Variants in FER observed in about 807,000 individuals in gnomAD.
FER encodes the protein FER tyrosine kinase, also known as tyrosine-protein kinase Fer.
A neutral mutation model predicts 111.0 loss-of-function variants in FER; 63 were observed. That is an observed-to-expected ratio of 0.57 (90% CI 0.46 to 0.70). The LOEUF (loss-of-function observed/expected upper bound fraction) is 0.70, where lower values mean the gene tolerates loss of function less well. Ranked by LOEUF, FER falls within the 30% of genes least tolerant of loss-of-function variation. The pLI is 0.00. For missense variants in FER, 914 were observed against 954.0 expected, an observed-to-expected ratio of 0.96 and a Z score of 0.55; for synonymous variants, 327 against 313.9, an observed-to-expected ratio of 1.04 and a Z score of -0.44.
intron 5 of FER, among the ~76,000 whole-genome samples, chr5:108,858,576 T>G (rs939850892): frequency 6.6e-6 from 1 of 152,146 alleles, no homozygotes; most frequent in African/African-American, 2.4e-5. Context: ...TTTTGTTTAT[T>G]TATTTCTATG....
intron 17 of FER, among the ~76,000 whole-genome samples, chr5:109,165,584 G>A (rs1156640496): frequency 6.7e-6 from 1 of 148,168 alleles, no homozygotes; most frequent in Admixed American, 7.0e-5. Context: ...CAGGTGGGAG[G>A]AGGGAACTGG....
intron 14 of FER, among the ~76,000 whole-genome samples, chr5:109,043,132 ATGATGGT>A (rs1476871221): frequency 2.6e-5 from 4 of 152,182 alleles, no homozygotes; most frequent in African/African-American, 9.7e-5. Context: ...TACAAGGCAA[ATGATGGT>A]TCTAGTAACC....
At chr5:109,159,266 C>G (rs1319220814) in intron 17 of FER, among the ~76,000 whole-genome samples, 2 of 152,166 alleles carry the variant, frequency 1.3e-5, no homozygotes, top group Non-Finnish European at 2.9e-5. Context: ...ACTCTTCTTT[C>G]AAGCGGCTCA....
chr5:108,934,106 G>A (rs771848090), intron 10 of FER, among the ~76,000 whole-genome samples: 1 of 152,076 alleles, frequency 6.6e-6, no homozygotes, highest in Non-Finnish European at 1.5e-5. Context: ...ATACTGTGTT[G>A]AATAGGAGTG....
Position 108,786,416 on chromosome 5 carries a change from T to C in FER, c.-59-11708T>C, listed in dbSNP as rs373376484. Among the ~76,000 whole-genome samples, 11 of 152,336 alleles carry C rather than the reference T, an allele frequency of 7.2e-5. No homozygotes were observed. In the South Asian group the frequency reaches 1.9e-3, roughly 26 times the overall value. The stretch of plus-strand genomic sequence containing the variant: ...ATCTTCTGGCCTGGTTGGGGTAGTA[T>C]TGGACTCACTGAAACCATGCTGTGA... On this transcript the variant is annotated intron_variant, in intron 2 of 19. Transcript: ENST00000281092.
At chr5:108,837,576 T>C (rs1760802104) in intron 5 of FER, among the ~76,000 whole-genome samples, 1 of 152,208 alleles carries the variant, frequency 6.6e-6, no homozygotes, top group South Asian at 2.1e-4. Context: ...CTATGTTGTG[T>C]ATTTCGCACT....
intron 13 of FER, among the ~76,000 whole-genome samples, chr5:108,963,745 A>G (rs1340830616): frequency 3.3e-5 from 5 of 152,142 alleles, no homozygotes; most frequent in Non-Finnish European, 7.4e-5. Context: ...GTCTGAAACT[A>G]CTGACTTGTC....
chr5:108,958,022 TAAC>T (rs1758655756), intron 12 of FER, among the ~76,000 whole-genome samples: 2 of 151,710 alleles, frequency 1.3e-5, no homozygotes, highest in African/African-American at 4.8e-5. Flanking sequence ...GGCAGTGAAT[TAAC>T]AACTGCTTTG....
intron 16 of FER, chr5:109,052,299 A>G: frequency 2.5e-6 from 4 of 1,609,484 alleles, no homozygotes; most frequent in Non-Finnish European, 3.4e-6. Flanking sequence ...GAGTGTTACA[A>G]CGAAAGGCAG....
chr5:109,051,193 A>C (rs2149925780), intron 16 of FER: 1 of 706,688 alleles, frequency 1.4e-6, no homozygotes, highest in Non-Finnish European at 2.5e-6. Flanking sequence ...TCTAAGCCTC[A>C]TGAATAAGAC....
rs1433283651 is a variant in FER, at chr5:109,189,521, G to A, written c.*1946G>A. ...AGATTTCATACATACTTAATGATTA[G>A]TACATTCAGACTAAAGGGAAATTTC... On this transcript the variant is annotated 3_prime_UTR_variant, in exon 20 of 20. Coordinates refer to ENST00000281092, the MANE Select transcript of FER (RefSeq NM_005246.4). 1 of 151,566 alleles carries A rather than the reference G, an allele frequency of 6.6e-6. No homozygotes were observed. The highest frequency in any genetic ancestry group is 2.4e-5 in the African/African-American group (1 of 41,376). 9.4% of individuals were successfully genotyped at this position (151,566 alleles called of 1,614,324 possible). A position where few individuals can be genotyped will look rare whatever the true frequency, so the allele number is the denominator to read the frequency against.
At chr5:109,132,918 G>A (rs1425340847) in intron 17 of FER, among the ~76,000 whole-genome samples, 1 of 152,166 alleles carries the variant, frequency 6.6e-6, no homozygotes, top group Non-Finnish European at 1.5e-5. Flanking sequence ...TACAGCAGTT[G>A]AGAGAAGAGC....
chr5:109,030,004 T>C (rs1053158665), intron 13 of FER, among the ~76,000 whole-genome samples: 1 of 152,164 alleles, frequency 6.6e-6, no homozygotes, highest in Non-Finnish European at 1.5e-5. Context: ...TCATTTTTTT[T>C]CACCCAATCT....
At chr5:108,931,263 C>G (rs984693256) in intron 10 of FER, among the ~76,000 whole-genome samples, 4 of 152,046 alleles carry the variant, frequency 2.6e-5, no homozygotes, top group Non-Finnish European at 4.4e-5. Context: ...TGACTATTAT[C>G]TTTTATGTAG....
At chr5:108,827,686 G>A (rs1053977072) in intron 3 of FER, among the ~76,000 whole-genome samples, 7 of 151,828 alleles carry the variant, frequency 4.6e-5, no homozygotes, top group Non-Finnish European at 1.0e-4. Flanking sequence ...TCTTTTTGTT[G>A]TTGTGCTGTA....
intron 13 of FER, among the ~76,000 whole-genome samples, chr5:108,991,564 A>C (rs1763180187): frequency 6.6e-6 from 1 of 152,104 alleles, no homozygotes; most frequent in South Asian, 2.1e-4. Context: ...TTATTCCAGG[A>C]TTGTCATTTA....
At chr5:108,985,619 C>T (rs970562550) in intron 13 of FER, among the ~76,000 whole-genome samples, 3 of 152,112 alleles carry the variant, frequency 2.0e-5, no homozygotes, top group Non-Finnish European at 4.4e-5. Context: ...CCCCAAAGTC[C>T]ATTGTATCAT....
chr5:108,870,622 T>C (rs1764510299), intron 6 of FER, among the ~76,000 whole-genome samples: 3 of 147,406 alleles, frequency 2.0e-5, no homozygotes, highest in South Asian at 2.1e-4. Flanking sequence ...TTTGTACATA[T>C]TAGTTTTTTA....
chr5:108,848,527 A>G (rs953662857), intron 5 of FER, among the ~76,000 whole-genome samples: 9 of 152,036 alleles, frequency 5.9e-5, no homozygotes, highest in Admixed American at 5.9e-4. Flanking sequence ...TATACCTTTA[A>G]CTGGTATTAT....
Sources: gnomAD v4.1 joint callset for allele counts (sites outside exome capture counted in the v4.1 genomes callset) on GRCh38, gnomAD v4.1.1 for gene constraint, MANE v1.5 for transcripts, NCBI Gene and HGNC (gene_info 2026-07-23, HGNC 2026-07-21) for gene names.